PRKN: variants seen among roughly 807,000 people sequenced by gnomAD.
PRKN encodes the protein E3 ubiquitin-protein ligase parkin.
PRKN carries 56 observed loss-of-function variants against 59.5 expected under a neutral mutation model. The ratio of observed to expected loss-of-function variants is 0.94; its 90% CI spans 0.76 to 1.18. The LOEUF (loss-of-function observed/expected upper bound fraction) is 1.18, where lower values mean the gene tolerates loss of function less well. Ranked by LOEUF, PRKN falls within the 50% of genes most tolerant of loss-of-function variation. The probability of loss-of-function intolerance (pLI) is 0.00; values close to 1 mark genes in which losing one functional copy is unlikely to be tolerated. For missense variants in PRKN, 657 were observed against 596.4 expected, an observed-to-expected ratio of 1.10 and a Z score of -1.06; for synonymous variants, 250 against 222.1, an observed-to-expected ratio of 1.13 and a Z score of -1.12.
At chr6:161,991,845 A>C (rs1781660635) in intron 5 of PRKN, among the ~76,000 whole-genome samples, 1 of 152,128 alleles carries the variant, frequency 6.6e-6, no homozygotes, top group Admixed American at 6.5e-5. Context: ...TCCGTCTCAA[A>C]AAACAAAACA....
chr6:161,811,497 G>A (rs904888861), intron 6 of PRKN, among the ~76,000 whole-genome samples: 2 of 152,134 alleles, frequency 1.3e-5, no homozygotes, highest in Admixed American at 6.5e-5. Flanking sequence ...TTCAATATAC[G>A]GGGCTTGGAC....
At chr6:162,148,509 T>TAC (rs1782123815) in intron 4 of PRKN, among the ~76,000 whole-genome samples, 2 of 152,144 alleles carry the variant, frequency 1.3e-5, no homozygotes, top group Non-Finnish European at 2.9e-5. Context: ...TCACATATAC[T>TAC]ACCTCATTCA....
chr6:161,834,230 T>C (rs972138686), intron 6 of PRKN, among the ~76,000 whole-genome samples: 2 of 151,788 alleles, frequency 1.3e-5, no homozygotes, highest in African/African-American at 4.8e-5. Flanking sequence ...AAAGTAGTAA[T>C]CCAAACACTT....
chr6:161,797,159 C>G (rs776872165), intron 6 of PRKN, among the ~76,000 whole-genome samples: 1 of 152,136 alleles, frequency 6.6e-6, no homozygotes, highest in Non-Finnish European at 1.5e-5. Context: ...TCACCAAAAC[C>G]CTGCACAAAC....
intron 1 of PRKN, among the ~76,000 whole-genome samples, chr6:162,493,102 G>A (rs1029659180): frequency 2.0e-5 from 3 of 152,152 alleles, no homozygotes; most frequent in Admixed American, 1.3e-4. Context: ...TTTTATACCA[G>A]CCTATCTCTT....
chr6:161,727,024 C>A (rs143626231), intron 7 of PRKN, among the ~76,000 whole-genome samples: 2 of 152,222 alleles, frequency 1.3e-5, no homozygotes, highest in African/African-American at 4.8e-5. Flanking sequence ...TCTTCCCCTG[C>A]CTGTAGTGTC....
chr6:162,361,240 G>GAGAA (rs1413572923), intron 2 of PRKN, among the ~76,000 whole-genome samples: 1 of 152,102 alleles, frequency 6.6e-6, no homozygotes, highest in Non-Finnish European at 1.5e-5. Flanking sequence ...GAGAGAGAGA[G>GAGAA]AGAAAGGGTT....
chr6:161,707,724 C>CTTT (rs10648495), intron 7 of PRKN, among the ~76,000 whole-genome samples: 2 of 151,372 alleles, frequency 1.3e-5, no homozygotes, highest in African/African-American at 2.4e-5. Flanking sequence ...TTTTTGTACT[C>CTTT]TAAGATCAGA....
intron 2 of PRKN, among the ~76,000 whole-genome samples, chr6:162,339,677 G>A (rs1468052213): frequency 6.6e-6 from 1 of 152,168 alleles, no homozygotes; most frequent in African/African-American, 2.4e-5. Context: ...GATGACAATG[G>A]TGGCTTTGTG....
Position 161,994,924 on chromosome 6 carries a change from GAA to G in PRKN, c.619-21509_619-21508del, listed in dbSNP as rs111850664. Among the ~76,000 whole-genome samples the G allele has an allele frequency of 8.5e-4, 118 of 138,046 alleles. 1 individual carries two copies. The highest frequency in any genetic ancestry group is 1.1e-3 in the Non-Finnish European group (69 of 63,320). 90.6% of individuals were successfully genotyped at this position (138,046 alleles called of 152,430 possible). A position where few individuals can be genotyped will look rare whatever the true frequency, so the allele number is the denominator to read the frequency against. On this transcript the variant is annotated intron_variant, in intron 5 of 11. Coordinates refer to ENST00000366898, the MANE Select transcript of PRKN (RefSeq NM_004562.3). ...AACAATATCATTCTTCATAGAAATAGAAAAAAAAAAAACAGTCCTAAAATATG... is the reference window on the plus strand; with the variant it reads ...AACAATATCATTCTTCATAGAAATAGAAAAAAAAAACAGTCCTAAAATATG...
At chr6:161,762,248 C>T (rs886663157) in intron 7 of PRKN, among the ~76,000 whole-genome samples, 1 of 152,176 alleles carries the variant, frequency 6.6e-6, no homozygotes, top group South Asian at 2.1e-4. Context: ...TAGCATAAGA[C>T]AGTGAGCGAA....
rs886061234 is a variant in PRKN at position 161,349,083 on chromosome 6, G to A, written c.*1016C>T. 7 of 221,354 alleles carry A rather than the reference G, an allele frequency of 3.2e-5. No homozygotes were observed. The highest frequency in any genetic ancestry group is 6.6e-5 in the East Asian group (1 of 15,116). The allele number at this position is 221,354 out of a possible 1,614,324, so 13.7% of individuals were successfully genotyped here. On this transcript the variant is annotated 3_prime_UTR_variant, in exon 12 of 12. Transcript: ENST00000366898. The surrounding 1 kb of genome is among the most constrained non-coding windows in gnomAD (Gnocchi z 5.5). ...ACCCTTCTGATGGAGAGAGTCGGGCGTGTCTTCATTTTGGTAGTTCTGGAA... is the reference window on the plus strand; with the variant it reads ...ACCCTTCTGATGGAGAGAGTCGGGCATGTCTTCATTTTGGTAGTTCTGGAA...
In PRKN at chr6:162,344,746, C is replaced by T. The variant is rs376923342; in HGVS notation, c.172-81981G>A. Among the ~76,000 whole-genome samples the T allele has an allele frequency of 1.3e-4, 20 of 152,020 alleles. 1 individual carries two copies. The highest frequency in any genetic ancestry group is 9.7e-4 in the East Asian group (5 of 5,162). On this transcript the variant is annotated intron_variant, in intron 2 of 11. Coordinates refer to ENST00000366898, the MANE Select transcript of PRKN (RefSeq NM_004562.3). ...TAGTACCTGTCACTGGCTTTCTATC[C>T]AGGCTCCATTCCTTTCTGGGCTGCA...
At chr6:162,255,781 C>T (rs1333651638) in intron 3 of PRKN, among the ~76,000 whole-genome samples, 1 of 152,150 alleles carries the variant, frequency 6.6e-6, no homozygotes, top group African/African-American at 2.4e-5. Flanking sequence ...ATGTCTGTCA[C>T]CCTTTTTGAC....
chr6:162,299,746 A>T lies in PRKN; in HGVS notation c.172-36981T>A, dbSNP rs552176415. Among the ~76,000 whole-genome samples, 14 of 152,082 alleles carry T rather than the reference A, an allele frequency of 9.2e-5. No individual in the cohort carries two copies. In the South Asian group the frequency reaches 1.0e-3, roughly 11 times the overall value. On this transcript the variant is annotated intron_variant, in intron 2 of 11. Coordinates refer to ENST00000366898, the MANE Select transcript of PRKN (RefSeq NM_004562.3). ...ATGGCCATACAGTGGGCTGCAGGCC[A>T]CTTTGCAGGAATTCTTCCTACCTAC...
At chr6:162,298,026 T>C (rs1233735295) in intron 2 of PRKN, among the ~76,000 whole-genome samples, 1 of 152,200 alleles carries the variant, frequency 6.6e-6, no homozygotes, top group Non-Finnish European at 1.5e-5. Context: ...TACACATCCA[T>C]CCATCTTCCA....
In PRKN at chr6:161,502,029, T is replaced by C. The variant is rs1017101831; in HGVS notation, c.1083+46825A>G. Among the ~76,000 whole-genome samples the C allele has an allele frequency of 2.0e-5, 3 of 152,240 alleles. No individual in the cohort carries two copies. Among genetic ancestry groups the C allele is most frequent in the Non-Finnish European group, 4.4e-5 (3 of 68,040 alleles). ...GTCTGCATGTCTTAGTTATCAGCCATGTGAGAAGGAATACCTGGATCACTG... is the reference window on the plus strand; with the variant it reads ...GTCTGCATGTCTTAGTTATCAGCCACGTGAGAAGGAATACCTGGATCACTG... On this transcript the variant is annotated intron_variant, in intron 9 of 11. Coordinates refer to ENST00000366898, the MANE Select transcript of PRKN (RefSeq NM_004562.3). The surrounding 1 kb of genome is among the most constrained non-coding windows in gnomAD (Gnocchi z 4.0).
chr6:161,806,517 G>C (rs3016547), intron 6 of PRKN, among the ~76,000 whole-genome samples: 134,356 of 152,078 alleles, frequency 0.88, 60,608 homozygotes, highest in East Asian at 0.97. Context: ...ACAAGAGAGA[G>C]TTCAGACCCT....
At chr6:162,572,067 C>A (rs768505296) in intron 1 of PRKN, among the ~76,000 whole-genome samples, 2 of 152,100 alleles carry the variant, frequency 1.3e-5, no homozygotes, top group Non-Finnish European at 2.9e-5. Flanking sequence ...TCTCATTACC[C>A]ATCCAGCCTG....
Sources: gnomAD v4.1 joint callset for allele counts (sites outside exome capture counted in the v4.1 genomes callset) on GRCh38, gnomAD v4.1.1 for gene constraint, Gnocchi (gnomAD v3.1) non-coding constraint, MANE v1.5 for transcripts, NCBI Gene and HGNC (gene_info 2026-07-23, HGNC 2026-07-21) for gene names.